Variants in BAIAP2 observed in about 807,000 individuals in gnomAD.
BAIAP2 encodes the protein BAR/IMD domain-containing adapter protein 2.
Under a neutral mutation model 63.0 loss-of-function variants are expected in BAIAP2, and 18 were observed. That is an observed-to-expected ratio of 0.29 (90% CI 0.20 to 0.42). The LOEUF (loss-of-function observed/expected upper bound fraction) is 0.42. Among genes scored for constraint, BAIAP2 ranks in the 10% least tolerant of loss-of-function variants. The probability of loss-of-function intolerance (pLI) is 1.00; values close to 1 mark genes in which losing one functional copy is unlikely to be tolerated. For synonymous variants in BAIAP2, 386 were observed against 307.6 expected, an observed-to-expected ratio of 1.25 and a Z score of -2.67; for missense variants, 610 against 734.3, an observed-to-expected ratio of 0.83 and a Z score of 1.96.
chr17:81,113,764 T>C (rs2060182123), intron 13 of BAIAP2, among the ~76,000 whole-genome samples: 1 of 152,130 alleles, frequency 6.6e-6, no homozygotes, highest in Non-Finnish European at 1.5e-5. Context: ...AAATGCAGGT[T>C]AGAGAACAGG....
At chr17:81,104,763 A>C (rs2058919487) in intron 10 of BAIAP2, 48 bp downstream of exon 10, 1 of 1,513,714 alleles carries the variant, frequency 6.6e-7, no homozygotes, top group African/African-American at 1.4e-5. Flanking sequence ...GCCTTCAGCA[A>C]GTGTGTGGGG....
At chr17:81,056,033 A>G (rs1394396651) in intron 2 of BAIAP2, among the ~76,000 whole-genome samples, 6 of 152,098 alleles carry the variant, frequency 3.9e-5, no homozygotes, top group Admixed American at 2.0e-4. Flanking sequence ...TTGCTTCCCT[A>G]TGGTGCACCC....
chr17:81,107,081 C>A, intron 12 of BAIAP2, 174 bp downstream of exon 12: 1 of 772,402 alleles, frequency 1.3e-6, no homozygotes, highest in Non-Finnish European at 1.9e-6. Context: ...CCTGCTTCGG[C>A]CTCAGGCTGC....
intron 1 of BAIAP2, among the ~76,000 whole-genome samples, chr17:81,035,513 C>A (rs1173455415): frequency 3.4e-5 from 5 of 149,008 alleles, no homozygotes; most frequent in African/African-American, 1.2e-4. Context: ...AGGTGGCCAC[C>A]CCCGCCCGGG....
At chr17:81,088,204 A>G (rs1403317571) in intron 6 of BAIAP2, among the ~76,000 whole-genome samples, 1 of 151,980 alleles carries the variant, frequency 6.6e-6, no homozygotes, top group Non-Finnish European at 1.5e-5. Flanking sequence ...GCCAGCCCTG[A>G]GCACCGAGGC....
At chr17:81,094,474 T>C (rs1568157269) in intron 6 of BAIAP2, among the ~76,000 whole-genome samples, 1 of 152,130 alleles carries the variant, frequency 6.6e-6, no homozygotes, top group Non-Finnish European at 1.5e-5. Context: ...ACTGTTCCCT[T>C]CCTGAGGATC....
chr17:81,074,174 G>C (rs924357587), intron 3 of BAIAP2, among the ~76,000 whole-genome samples: 2 of 152,222 alleles, frequency 1.3e-5, no homozygotes, highest in South Asian at 2.1e-4. Context: ...AGGCAGAGAA[G>C]GTCCTTGCTC....
intron 1 of BAIAP2, among the ~76,000 whole-genome samples, chr17:81,043,708 T>A (rs965752471): frequency 2.0e-5 from 3 of 151,940 alleles, no homozygotes; most frequent in Admixed American, 2.0e-4. Context: ...GTGCGGGTCC[T>A]GGGTGTCCCT....
intron 1 of BAIAP2, among the ~76,000 whole-genome samples, chr17:81,051,243 C>T (rs1598528246): frequency 6.6e-6 from 1 of 152,114 alleles, no homozygotes; most frequent in South Asian, 2.1e-4. Context: ...GCATCCCCGT[C>T]CCTTTAGATC....
At chr17:81,092,195 T>C (rs1206627080) in intron 6 of BAIAP2, among the ~76,000 whole-genome samples, 1 of 152,256 alleles carries the variant, frequency 6.6e-6, no homozygotes, top group Non-Finnish European at 1.5e-5. Context: ...GCTGCATGTA[T>C]GCGGAGCACC....
chr17:81,085,642 C>G lies in BAIAP2; in HGVS notation c.280-12C>G. ...GGAGCTGACGGCTGATGTGTTTTCT[C>G]TCCATGTCCAGCTGAAGTCTTTTCA... On this transcript the variant is annotated splice_polypyrimidine_tract_variant and intron_variant, in intron 4 of 13. Coordinates refer to ENST00000428708, the MANE Select transcript of BAIAP2 (RefSeq NM_001144888.2). 6.2e-7 allele frequency: 1 copy of G among 1,612,716 alleles called. No homozygotes were observed. Among genetic ancestry groups the G allele is most frequent in the South Asian group, 1.1e-5 (1 of 91,060 alleles).
intron 6 of BAIAP2, chr17:81,098,101 G>C: frequency 7.3e-7 from 1 of 1,373,216 alleles, no homozygotes; most frequent in Non-Finnish European, 9.5e-7. Flanking sequence ...GGAGGGGCCA[G>C]CGGGGGGTGG....
chr17:81,050,570 C>T (rs1397995777), intron 1 of BAIAP2, among the ~76,000 whole-genome samples: 2 of 152,094 alleles, frequency 1.3e-5, no homozygotes, highest in Non-Finnish European at 2.9e-5. Flanking sequence ...CACCCGGGGG[C>T]CTGTGGGGGT....
chr17:81,098,170 CT>C, intron 6 of BAIAP2: 1 of 1,463,630 alleles, frequency 6.8e-7, no homozygotes. Context: ...GGAACTGTCA[CT>C]TCCACCTACA....
At chr17:81,035,953 T>C (rs561300634) in intron 1 of BAIAP2, 1 of 152,300 alleles carries the variant, frequency 6.6e-6, no homozygotes, top group South Asian at 2.1e-4. Context: ...TATCATCTTA[T>C]GTAACCGCGG....
intron 3 of BAIAP2, among the ~76,000 whole-genome samples, chr17:81,071,835 C>T (rs1172353055): frequency 6.6e-6 from 1 of 152,266 alleles, no homozygotes; most frequent in Non-Finnish European, 1.5e-5. Flanking sequence ...GGAGCAGTTC[C>T]CACGCCAAGT....
At chr17:81,082,477 A>T (rs1362112335) in intron 3 of BAIAP2, among the ~76,000 whole-genome samples, 3 of 152,100 alleles carry the variant, frequency 2.0e-5, no homozygotes, top group Non-Finnish European at 4.4e-5. Flanking sequence ...AGGGAAGCCA[A>T]GCCCGGGGCT....
chr17:81,105,818 C>T (rs1181827120), intron 10 of BAIAP2: 2 of 427,524 alleles, frequency 4.7e-6, no homozygotes, highest in East Asian at 4.6e-5. Context: ...TGCCCGGGCT[C>T]TGGGGCCTTG....
chr17:81,110,628 C>T (rs2059807980), intron 13 of BAIAP2: 4 of 1,245,814 alleles, frequency 3.2e-6, no homozygotes, highest in Non-Finnish European at 4.0e-6. Flanking sequence ...TGCTAGATAA[C>T]CTGGGCTTGC....
Sources: gnomAD v4.1 joint callset for allele counts (sites outside exome capture counted in the v4.1 genomes callset) on GRCh38, gnomAD v4.1.1 for gene constraint, MANE v1.5 for transcripts, NCBI Gene and HGNC (gene_info 2026-07-23, HGNC 2026-07-21) for gene names.